ITPRID2: variants seen among roughly 807,000 people sequenced by gnomAD.
The protein encoded by ITPRID2 is ITPR interacting domain containing 2, also known as protein ITPRID2.
ITPRID2 carries 60 observed loss-of-function variants against 124.3 expected under a neutral mutation model. The observed-to-expected ratio is 0.48, with a 90% CI of 0.39 to 0.60. ITPRID2 has a LOEUF of 0.60. Ranked by LOEUF, ITPRID2 falls within the 20% of genes least tolerant of loss-of-function variation. ITPRID2 has a pLI of 0.00. For missense variants in ITPRID2, 1,553 were observed against 1,512.2 expected (o/e 1.03, Z -0.45); for synonymous variants, 521 against 542.9 (o/e 0.96, Z 0.56).
rs1558972439 is a variant in ITPRID2 at position 181,892,453 on chromosome 2, A to T, written c.212-162A>T. 1 of 1,137,168 alleles carries T rather than the reference A, an allele frequency of 8.8e-7. No homozygotes were observed. Among genetic ancestry groups the T allele is most frequent in the East Asian group, 2.6e-5 (1 of 39,102 alleles). The allele number at this position is 1,137,168 out of a possible 1,614,324, so 70.4% of individuals were successfully genotyped here. ...AACGAGGCGCCCCCAGCGTCAACAC[A>T]GACAACTGGGTGCCATCCGATTTCC... On this transcript the variant is annotated intron_variant, in intron 1 of 17. Transcript: ENST00000431877. This position sits in a 1 kb window ranked among gnomAD's most constrained non-coding sequence, Gnocchi z 5.2.
intron 16 of ITPRID2, among the ~76,000 whole-genome samples, chr2:181,924,361 C>A (rs1419589915): frequency 6.6e-6 from 1 of 151,782 alleles, no homozygotes; most frequent in Non-Finnish European, 1.5e-5. Flanking sequence ...GTTTTTATTC[C>A]AGTCATTCAA....
In ITPRID2 at chr2:181,929,662, G is replaced by A; in HGVS notation, c.*115G>A. ...TAGAAGATACTTGCTGTTGAGCTGGGCTACTGTATACAGTGTACAATGTGT... is the reference window on the plus strand; with the variant it reads ...TAGAAGATACTTGCTGTTGAGCTGGACTACTGTATACAGTGTACAATGTGT... On this transcript the variant is annotated 3_prime_UTR_variant, in exon 18 of 18. Transcript: ENST00000431877. The A allele has an allele frequency of 6.3e-7, 1 of 1,599,096 alleles. No individual in the cohort carries two copies. Among genetic ancestry groups the A allele is most frequent in the Non-Finnish European group, 8.6e-7 (1 of 1,166,872 alleles).
At position 181,928,257 on chromosome 2, in the gene ITPRID2, T is replaced by A. The variant is rs2303554; in HGVS notation, c.3772T>A (p.Tyr1258Asn). The A allele has an allele frequency of 0.037, 56,405 of 1,537,738 alleles. 1,890 individuals are homozygous for A. Among genetic ancestry groups the A allele is most frequent in the East Asian group, 0.12 (4,988 of 40,726 alleles). Reference sequence around the variant, plus strand: ...TAAAGCGTCTAATTCTAAGCAAGATTATCATTAAACAGAAATTATAGGTAA... The same window carrying A: ...TAAAGCGTCTAATTCTAAGCAAGATAATCATTAAACAGAAATTATAGGTAA... ...SSKASNSKQD[Y>N]H The change falls in exon 17 of 18, where the codon TAT (tyrosine) becomes AAT (asparagine). Residue 1258 changes from tyrosine (Y) to asparagine (N), a missense_variant. By Grantham distance (143) the Tyr-to-Asn change is moderately radical (BLOSUM62 -2). Transcript: ENST00000431877.
intron 8 of ITPRID2, among the ~76,000 whole-genome samples, chr2:181,909,459 G>T (rs912267850): frequency 2.0e-5 from 3 of 152,118 alleles, no homozygotes; most frequent in African/African-American, 7.2e-5. Flanking sequence ...TTAACGTATA[G>T]AGAACTTTTC....
Position 181,915,427 on chromosome 2 carries a change from T to C in ITPRID2, c.1787T>C (p.Phe596Ser). Residue 596 changes from phenylalanine (F) to serine (S), a missense_variant, in exon 11 of 18, where the codon TTC becomes TCC. Transcript: ENST00000431877. ...AAAAGAAAATCAGGTAGCCAGGATT[T>C]CCCTCAGTGCAACACCATTGAGAAT... ...ADKRKSGSQD[F>S]PQCNTIENTG... The C allele has an allele frequency of 6.2e-7, 1 of 1,614,116 alleles. No homozygotes were observed. Among genetic ancestry groups the C allele is most frequent in the Non-Finnish European group, 8.5e-7 (1 of 1,180,018 alleles).
chr2:181,921,043 G>A (rs1694441174), intron 15 of ITPRID2, among the ~76,000 whole-genome samples: 1 of 152,172 alleles, frequency 6.6e-6, no homozygotes, highest in Admixed American at 6.5e-5. Flanking sequence ...AATCAGCCAG[G>A]CATGGTGATA....
chr2:181,922,158 C>T lies in ITPRID2; in HGVS notation c.3421C>T (p.Pro1141Ser). The T allele has an allele frequency of 1.2e-6, 2 of 1,614,216 alleles. No homozygotes were observed. The highest frequency in any genetic ancestry group is 1.7e-6 in the Non-Finnish European group (2 of 1,180,040). Residue 1141 changes from proline (P) to serine (S), a missense_variant, in exon 16 of 18, where the codon CCA becomes TCA. Transcript: ENST00000431877. ...TGCCTCAGTGGGCAAATCCAAAACCCCATTAGTGGCAAGGAAGAAAGTGTT... is the reference window on the plus strand; with the variant it reads ...TGCCTCAGTGGGCAAATCCAAAACCTCATTAGTGGCAAGGAAGAAAGTGTT... ...STASVGKSKTPLVARKKVFRA... is the reference protein window; with the variant it reads ...STASVGKSKTSLVARKKVFRA...
In ITPRID2 at chr2:181,913,879, TAGC is replaced by T; in HGVS notation, c.1524_1526del (p.Ser509del). 1 of 1,613,528 alleles carries T rather than the reference TAGC, an allele frequency of 6.2e-7. No individual in the cohort carries two copies. The highest frequency in any genetic ancestry group is 8.5e-7 in the Non-Finnish European group (1 of 1,179,780). On this transcript the variant is annotated inframe_deletion, in exon 10 of 18. Coordinates refer to ENST00000431877, the MANE Select transcript of ITPRID2 (RefSeq NM_001130445.3). Reference sequence around the variant, plus strand: ...TACGTACTGCAAGTCAGCATTCCGATAGCAGTGGTTTTGCTGAAGATTCTACAG... The same window carrying T: ...TACGTACTGCAAGTCAGCATTCCGATAGTGGTTTTGCTGAAGATTCTACAG...
At chr2:181,908,987 C>G (rs182296017) in intron 8 of ITPRID2, among the ~76,000 whole-genome samples, 6 of 151,972 alleles carry the variant, frequency 3.9e-5, no homozygotes, top group Non-Finnish European at 7.4e-5. Flanking sequence ...TTGCCCATTC[C>G]CTATGTATTT....
At position 181,892,526 on chromosome 2, in the gene ITPRID2, T is replaced by C. The variant is rs1015348217; in HGVS notation, c.212-89T>C. On this transcript the variant is annotated intron_variant, in intron 1 of 17. Coordinates refer to ENST00000431877, the MANE Select transcript of ITPRID2 (RefSeq NM_001130445.3). This position sits in a 1 kb window ranked among gnomAD's most constrained non-coding sequence, Gnocchi z 5.2. ...GTCGCTTAGGCTGCATTTGCCGTGG[T>C]AGATTTTCCTACTTGGGAGGGTCCA... 1.3e-6 allele frequency: 2 copies of C among 1,518,784 alleles called. No homozygotes were observed. The highest frequency in any genetic ancestry group is 1.8e-6 in the Non-Finnish European group (2 of 1,094,488). The allele number at this position is 1,518,784 out of a possible 1,614,324, so 94.1% of individuals were successfully genotyped here.
Position 181,918,745 on chromosome 2 carries a change from T to C in ITPRID2, c.2866-10T>C, listed in dbSNP as rs1166075215. ...ATTTAGAAGTGTAATTTTGTTATAT[T>C]GCATTCTAGAATACTTTTCAGGAGC... On this transcript the variant is annotated splice_polypyrimidine_tract_variant and intron_variant, in intron 12 of 17. Transcript: ENST00000431877. 6.2e-7 allele frequency: 1 copy of C among 1,613,822 alleles called. No homozygotes were observed.
At chr2:181,913,073 A>T (rs572577805) in intron 9 of ITPRID2, among the ~76,000 whole-genome samples, 5,091 of 151,226 alleles carry the variant, frequency 0.034, 111 homozygotes, top group East Asian at 0.092. Flanking sequence ...TTATTTATTT[A>T]TTTATTTTTT....
intron 9 of ITPRID2, 93 bp from the exon 10 acceptor site, chr2:181,913,752 C>A: frequency 1.3e-6 from 1 of 785,168 alleles, no homozygotes; most frequent in Non-Finnish European, 2.0e-6. Context: ...GGAATCATAT[C>A]TCTGTAGTAA....
chr2:181,898,712 A>G (rs547130882), intron 4 of ITPRID2, 168 bp from the exon 5 acceptor site: 27 of 631,982 alleles, frequency 4.3e-5, no homozygotes, highest in South Asian at 3.1e-4. Context: ...GTTCTTATCT[A>G]TCTGTATATC....
In ITPRID2 at chr2:181,916,334, C is replaced by T; in HGVS notation, c.2694C>T (p.Tyr898=). 6.2e-7 allele frequency: 1 copy of T among 1,614,226 alleles called. No homozygotes were observed. The highest frequency in any genetic ancestry group is 8.5e-7 in the Non-Finnish European group (1 of 1,180,042). ...CACATAGACATGCCACCTACCCTTA[C>T]CGAGTGTGCTCTGTGAATCCTCCTT... ...PYSHRHATYP[Y]RVCSVNPPSA... Residue 898 remains tyrosine, a synonymous_variant, in exon 11 of 18, where the codon TAC becomes TAT. Coordinates refer to ENST00000431877, the MANE Select transcript of ITPRID2 (RefSeq NM_001130445.3).
chr2:181,906,292 G>A (rs1026867777), intron 8 of ITPRID2, among the ~76,000 whole-genome samples: 1 of 152,148 alleles, frequency 6.6e-6, no homozygotes, highest in African/African-American at 2.4e-5. Context: ...ACAGGGGGAA[G>A]GAGCACAGCG....
At chr2:181,897,045 A>T (rs989731259) in intron 4 of ITPRID2, 81 bp downstream of exon 4, 10 of 1,193,412 alleles carry the variant, frequency 8.4e-6, no homozygotes, top group African/African-American at 1.5e-5. Flanking sequence ...TTTCAGGTTT[A>T]TGATCCTCAA....
At chr2:181,928,655 T>G (rs1195149708) in intron 17 of ITPRID2, among the ~76,000 whole-genome samples, 1 of 151,728 alleles carries the variant, frequency 6.6e-6, no homozygotes, top group Non-Finnish European at 1.5e-5. Flanking sequence ...AGACAGAGTC[T>G]CGCTCTGTCG....
At chr2:181,922,858 G>A (rs1694578744) in intron 16 of ITPRID2, among the ~76,000 whole-genome samples, 1 of 151,952 alleles carries the variant, frequency 6.6e-6, no homozygotes, top group Admixed American at 6.6e-5. Context: ...GGAGGCGGAG[G>A]TTGCAGTGAG....
Sources: allele counts gnomAD v4.1 joint callset (sites outside exome capture counted in the v4.1 genomes callset), GRCh38; gene constraint gnomAD v4.1.1; non-coding constraint Gnocchi (gnomAD v3.1); transcripts MANE v1.5; gene names NCBI Gene and HGNC (gene_info 2026-07-23, HGNC 2026-07-21).